The following TLCD4 variants were observed in gnomAD, a reference collection of about 807,000 sequenced individuals.
The protein encoded by TLCD4 is TLC domain containing 4, also known as TLC domain-containing protein 4.
A neutral mutation model predicts 24.2 loss-of-function variants in TLCD4; 7 were observed. The ratio of observed to expected loss-of-function variants is 0.29; its 90% CI spans 0.16 to 0.54. The LOEUF (loss-of-function observed/expected upper bound fraction) is 0.54, where lower values mean the gene tolerates loss of function less well. Ranked by LOEUF, TLCD4 falls within the 20% of genes least tolerant of loss-of-function variation. The pLI is 0.95. For synonymous variants in TLCD4, 103 were observed against 106.4 expected, an observed-to-expected ratio of 0.97 and a Z score of 0.20; for missense variants, 259 against 313.9, an observed-to-expected ratio of 0.82 and a Z score of 1.32.
chr1:95,143,958 T>A lies in TLCD4; in HGVS notation c.57T>A (p.Phe19Leu), dbSNP rs1677281221. ...TTACCTGTATCAGCTTTTTCACCTT[T>A]CAGCTTCTTTTCTACTTTGTAAGTT... ...ISVTCISFFT[F>L]QLLFYFVSYW... The change falls in exon 2 of 7, where the codon TTT becomes TTA. Residue 19 changes from phenylalanine to leucine, a missense_variant. Physicochemically the swap from Phe to Leu is conservative, Grantham distance 22. Coordinates refer to ENST00000370203, the MANE Select transcript of TLCD4 (RefSeq NM_152487.3). The A allele has an allele frequency of 6.4e-7, 1 of 1,572,904 alleles. No homozygotes were observed. Among genetic ancestry groups the A allele is most frequent in the African/African-American group, 1.4e-5 (1 of 72,946 alleles).
At chr1:95,100,778 A>G in the TLCD4 span, among the ~76,000 whole-genome samples, 35 of 152,114 alleles carry the variant, frequency 2.3e-4, no homozygotes, top group African/African-American at 8.0e-4. Flanking sequence ...AATCTTTGAC[A>G]TTATTTCCTT....
At chr1:95,135,310 G>A (rs115622176) in intron 1 of TLCD4, among the ~76,000 whole-genome samples, 22 of 152,142 alleles carry the variant, frequency 1.4e-4, no homozygotes, top group African/African-American at 5.1e-4. Flanking sequence ...CACTTCTAAA[G>A]GGCTAGAGGG....
upstream of TLCD4, among the ~76,000 whole-genome samples, chr1:95,115,335 C>T (rs977734219): frequency 6.6e-6 from 1 of 152,002 alleles, no homozygotes; most frequent in East Asian, 1.9e-4. Context: ...CTCGAACTCT[C>T]AACCTCAGGT....
intron 1 of TLCD4, among the ~76,000 whole-genome samples, chr1:95,133,388 A>AG (rs1676953395): frequency 6.6e-6 from 1 of 151,956 alleles, no homozygotes; most frequent in African/African-American, 2.4e-5. Flanking sequence ...GTATAATTAA[A>AG]AAAAAAAGAG....
chr1:95,144,330 C>G (rs1327990906), intron 2 of TLCD4, among the ~76,000 whole-genome samples: 2 of 152,108 alleles, frequency 1.3e-5, no homozygotes, highest in African/African-American at 4.8e-5. Flanking sequence ...AATACTAGTA[C>G]TTTCGTGTTC....
In TLCD4 at chr1:95,192,883, C is replaced by T. The variant is rs908588296; in HGVS notation, c.*1015C>T. 1.3e-5 allele frequency: 2 copies of T among 152,066 alleles called. No homozygotes were observed. The highest frequency in any genetic ancestry group is 4.8e-5 in the African/African-American group (2 of 41,396). The allele number at this position is 152,066 out of a possible 1,614,324, so 9.4% of individuals were successfully genotyped here. On this transcript the variant is annotated 3_prime_UTR_variant, in exon 7 of 7. Coordinates refer to ENST00000370203, the MANE Select transcript of TLCD4 (RefSeq NM_152487.3). ...AAGGCTTAAGACAGATTATAGACCTCCTTAAGAGATGAGTTTCTTCTTCTA... is the reference window on the plus strand; with the variant it reads ...AAGGCTTAAGACAGATTATAGACCTTCTTAAGAGATGAGTTTCTTCTTCTA...
At chr1:95,180,513 C>T (rs1678597444) in intron 6 of TLCD4, among the ~76,000 whole-genome samples, 1 of 152,050 alleles carries the variant, frequency 6.6e-6, no homozygotes, top group South Asian at 2.1e-4. Context: ...TATTTTCTCT[C>T]CATTTTAGAG....
At chr1:95,144,558 T>G (rs565936080) in intron 2 of TLCD4, among the ~76,000 whole-genome samples, 1 of 152,132 alleles carries the variant, frequency 6.6e-6, no homozygotes, top group East Asian at 1.9e-4. Context: ...GCATTTATTA[T>G]TTTGTTATAT....
the TLCD4 span, among the ~76,000 whole-genome samples, chr1:95,093,483 G>C: frequency 6.6e-6 from 1 of 152,178 alleles, no homozygotes; most frequent in African/African-American, 2.4e-5. Flanking sequence ...ATCAGAGTAG[G>C]CTGTACTTCC....
chr1:95,119,377 A>G (rs1189347461), intron 1 of TLCD4, among the ~76,000 whole-genome samples: 2 of 152,252 alleles, frequency 1.3e-5, no homozygotes, highest in Non-Finnish European at 2.9e-5. Context: ...GGGAGCTATC[A>G]GAAATCTGAG....
intron 1 of TLCD4, among the ~76,000 whole-genome samples, chr1:95,127,295 A>G (rs534069275): frequency 2.0e-5 from 3 of 152,284 alleles, no homozygotes; most frequent in African/African-American, 4.8e-5. Flanking sequence ...AACAGCCACA[A>G]GAAGAAAAAA....
At chr1:95,190,945 GT>G (rs1323047071) in intron 6 of TLCD4, among the ~76,000 whole-genome samples, 2 of 152,124 alleles carry the variant, frequency 1.3e-5, no homozygotes, top group Non-Finnish European at 2.9e-5. Context: ...CTTTAACAGT[GT>G]CTTTCGCAGA....
chr1:95,109,952 T>C, the TLCD4 span, among the ~76,000 whole-genome samples: 85 of 70,678 alleles, frequency 1.2e-3, 1 homozygote, highest in Middle Eastern at 9.8e-3. Flanking sequence ...TATATATATA[T>C]ATATATACAC....
At chr1:95,163,373 G>T (rs1269172850) in intron 5 of TLCD4, 1 of 152,086 alleles carries the variant, frequency 6.6e-6, no homozygotes, top group Non-Finnish European at 1.5e-5. Context: ...TCTTCTGTAT[G>T]CTGTTTATTG....
In TLCD4 at chr1:95,173,755, G is replaced by A. The variant is rs1026478849; in HGVS notation, c.400-61G>A. On this transcript the variant is annotated intron_variant, in intron 5 of 6. Coordinates refer to ENST00000370203, the MANE Select transcript of TLCD4 (RefSeq NM_152487.3). ...TGAGAAGCTATTGGATATTTCTACGGTATTTGGGAATTTTGTTAAGAATGT... is the reference window on the plus strand; with the variant it reads ...TGAGAAGCTATTGGATATTTCTACGATATTTGGGAATTTTGTTAAGAATGT... The A allele has an allele frequency of 1.1e-5, 18 of 1,607,190 alleles. No homozygotes were observed. In the African/African-American group the frequency reaches 1.2e-4, roughly 11 times the overall value.
intron 5 of TLCD4, among the ~76,000 whole-genome samples, chr1:95,161,058 G>C (rs1298295335): frequency 1.3e-5 from 2 of 152,200 alleles, no homozygotes; most frequent in Non-Finnish European, 2.9e-5. Flanking sequence ...CTGTTGATTG[G>C]AATAGTTTCA....
chr1:95,134,643 C>A (rs1470109544), intron 1 of TLCD4, among the ~76,000 whole-genome samples: 1 of 152,158 alleles, frequency 6.6e-6, no homozygotes, highest in African/African-American at 2.4e-5. Flanking sequence ...AACAGCGGTA[C>A]TCAAGTGGTA....
At chr1:95,166,101 G>C (rs1678010759) in intron 5 of TLCD4, among the ~76,000 whole-genome samples, 1 of 152,168 alleles carries the variant, frequency 6.6e-6, no homozygotes, top group African/African-American at 2.4e-5. Context: ...AAATCTGAGA[G>C]AGCAGTATAG....
Position 95,150,340 on chromosome 1 carries a change from A to G in TLCD4, c.304+74A>G, listed in dbSNP as rs1571745918. 1.4e-5 allele frequency: 22 copies of G among 1,553,630 alleles called. No homozygotes were observed. The South Asian group carries it at 1.7e-4, about 12-fold the overall frequency. On this transcript the variant is annotated intron_variant, in intron 4 of 6. Transcript: ENST00000370203. ...GAATTATACAAAGAATATATAGTCT[A>G]TGCTTTTGGTTTATTTGAGAGATAG...
Sources: allele counts gnomAD v4.1 joint callset (sites outside exome capture counted in the v4.1 genomes callset), GRCh38; gene constraint gnomAD v4.1.1; transcripts MANE v1.5; gene names NCBI Gene and HGNC (gene_info 2026-07-23, HGNC 2026-07-21).